AKAP6: variants seen among roughly 807,000 people sequenced by gnomAD.
The protein encoded by AKAP6 is A-kinase anchoring protein 6.
AKAP6 carries 58 observed loss-of-function variants against 188.5 expected under a neutral mutation model. That is an observed-to-expected ratio of 0.31 (90% CI 0.25 to 0.38). The LOEUF is 0.38. Ranked by LOEUF, AKAP6 falls within the 10% of genes least tolerant of loss-of-function variation. AKAP6 has a pLI of 1.00. For missense variants in AKAP6, 2,710 were observed against 2,740.0 expected (o/e 0.99, Z 0.24); for synonymous variants, 989 against 998.6 (o/e 0.99, Z 0.18).
intron 2 of AKAP6, among the ~76,000 whole-genome samples, chr14:32,462,895 G>A: frequency 3.5e-5 from 1 of 28,564 alleles, no homozygotes. Context: ...CCAAGCAAAT[G>A]GAAAGCAAAA....
At chr14:32,569,653 G>T (rs1209931531) in intron 4 of AKAP6, among the ~76,000 whole-genome samples, 1 of 152,146 alleles carries the variant, frequency 6.6e-6, no homozygotes, top group Non-Finnish European at 1.5e-5. Flanking sequence ...AACGAATTAT[G>T]CCCAAAAACG....
intron 10 of AKAP6, among the ~76,000 whole-genome samples, chr14:32,735,356 G>T (rs928990932): frequency 1.6e-4 from 25 of 151,926 alleles, no homozygotes; most frequent in African/African-American, 6.0e-4. Flanking sequence ...TGCGAACTAT[G>T]GGCTAAATCT....
chr14:32,634,453 T>C (rs1887402449), intron 7 of AKAP6, among the ~76,000 whole-genome samples: 1 of 152,068 alleles, frequency 6.6e-6, no homozygotes, highest in Non-Finnish European at 1.5e-5. Context: ...CCCTTACAAT[T>C]TTTTTGATAG....
intron 8 of AKAP6, among the ~76,000 whole-genome samples, chr14:32,685,034 T>C (rs1569972): frequency 1.7e-4 from 26 of 151,636 alleles, no homozygotes; most frequent in Non-Finnish European, 2.7e-4. Flanking sequence ...AGCAAGAGGA[T>C]CATTTGAGCC....
At chr14:32,608,990 A>G (rs1327246242) in intron 7 of AKAP6, among the ~76,000 whole-genome samples, 1 of 152,232 alleles carries the variant, frequency 6.6e-6, no homozygotes, top group Non-Finnish European at 1.5e-5. Flanking sequence ...TGAAAGTGTG[A>G]AACAATTACC....
intron 1 of AKAP6, among the ~76,000 whole-genome samples, chr14:32,400,575 A>AAAAAAAAAAAAAAAAAAAAAAC (rs1239983844): frequency 6.7e-6 from 1 of 149,778 alleles, no homozygotes; most frequent in East Asian, 1.9e-4. Context: ...AAAAAAAAAA[A>AAAAAAAAAAAAAAAAAAAAAAC]AAAAGACAGT....
At chr14:32,605,093 T>C (rs1483827504) in intron 7 of AKAP6, among the ~76,000 whole-genome samples, 5 of 152,098 alleles carry the variant, frequency 3.3e-5, no homozygotes, top group African/African-American at 1.2e-4. Context: ...TCTGTTCCTG[T>C]GTTAGTTTGC....
chr14:32,575,077 T>C (rs1884658726), intron 4 of AKAP6, among the ~76,000 whole-genome samples: 1 of 152,150 alleles, frequency 6.6e-6, no homozygotes, highest in African/African-American at 2.4e-5. Flanking sequence ...GGAAATAACA[T>C]TTTGAACACA....
intron 1 of AKAP6, among the ~76,000 whole-genome samples, chr14:32,419,654 C>T (rs1054267970): frequency 2.0e-5 from 3 of 152,088 alleles, no homozygotes; most frequent in African/African-American, 7.2e-5. Flanking sequence ...ACTTAATCAC[C>T]TGTGGTTTTC....
At chr14:32,378,746 G>C (rs569040706) in intron 1 of AKAP6, among the ~76,000 whole-genome samples, 6 of 152,236 alleles carry the variant, frequency 3.9e-5, no homozygotes, top group Admixed American at 3.9e-4. Flanking sequence ...GTTTCAAATA[G>C]CTGGGGAAAA....
intron 7 of AKAP6, among the ~76,000 whole-genome samples, chr14:32,657,028 A>G (rs1017693377): frequency 2.0e-5 from 3 of 152,192 alleles, no homozygotes; most frequent in African/African-American, 7.2e-5. Context: ...AGAATTTGAT[A>G]AAGACTCCAC....
chr14:32,780,418 G>C (rs1271578369), intron 12 of AKAP6, among the ~76,000 whole-genome samples: 1 of 152,010 alleles, frequency 6.6e-6, no homozygotes, highest in Non-Finnish European at 1.5e-5. Flanking sequence ...TGGAGTTATG[G>C]TCCTATTAAA....
intron 7 of AKAP6, among the ~76,000 whole-genome samples, chr14:32,672,736 A>G (rs1239642634): frequency 6.6e-6 from 1 of 152,180 alleles, no homozygotes; most frequent in African/African-American, 2.4e-5. Flanking sequence ...GGTACTAGTT[A>G]CTAGAATCTC....
intron 8 of AKAP6, among the ~76,000 whole-genome samples, chr14:32,686,286 G>C (rs1889922265): frequency 6.6e-6 from 1 of 152,154 alleles, no homozygotes; most frequent in South Asian, 2.1e-4. Context: ...ACTAGAGACT[G>C]GGAAGGGGTA....
chr14:32,493,198 C>G (rs1880127452), intron 2 of AKAP6, among the ~76,000 whole-genome samples: 1 of 151,744 alleles, frequency 6.6e-6, no homozygotes, highest in South Asian at 2.1e-4. Flanking sequence ...AAGGCACACT[C>G]TTTGTTTGTT....
At chr14:32,385,423 T>G (rs1162648531) in intron 1 of AKAP6, among the ~76,000 whole-genome samples, 1 of 150,388 alleles carries the variant, frequency 6.6e-6, no homozygotes, top group Non-Finnish European at 1.5e-5. Flanking sequence ...TTTTTTAATT[T>G]CCACAGGTTA....
intron 2 of AKAP6, among the ~76,000 whole-genome samples, chr14:32,508,807 C>T (rs144602673): frequency 2.4e-4 from 36 of 150,906 alleles, no homozygotes; most frequent in African/African-American, 8.7e-4. Context: ...ACTCTTCATT[C>T]GGTGGTTGTT....
At chr14:32,800,554 C>T (rs2033918203) in intron 12 of AKAP6, among the ~76,000 whole-genome samples, 1 of 152,230 alleles carries the variant, frequency 6.6e-6, no homozygotes, top group Middle Eastern at 3.4e-3. Flanking sequence ...AGAATTGACT[C>T]ATATATTATT....
intron 2 of AKAP6, among the ~76,000 whole-genome samples, chr14:32,499,282 C>A (rs961420611): frequency 7.8e-6 from 1 of 128,580 alleles, no homozygotes; most frequent in African/African-American, 2.9e-5. Context: ...AGCTATATTT[C>A]ACAACACAAA....
Sources: gnomAD v4.1 joint callset for allele counts (sites outside exome capture counted in the v4.1 genomes callset) on GRCh38, gnomAD v4.1.1 for gene constraint, MANE v1.5 for transcripts, NCBI Gene and HGNC (gene_info 2026-07-23, HGNC 2026-07-21) for gene names.